KNDC1: variants seen among roughly 807,000 people sequenced by gnomAD.
KNDC1 encodes kinase non-catalytic C-lobe domain containing 1.
Under a neutral mutation model 172.8 loss-of-function variants are expected in KNDC1, and 106 were observed. The ratio of observed to expected loss-of-function variants is 0.61; its 90% CI spans 0.52 to 0.72. KNDC1 has a LOEUF of 0.72. Among genes scored for constraint, KNDC1 ranks in the 30% least tolerant of loss-of-function variants. The pLI, the probability that KNDC1 is intolerant of heterozygous loss-of-function variation, is 0.00. For synonymous variants in KNDC1, 1,083 were observed against 1,062.2 expected, an observed-to-expected ratio of 1.02 and a Z score of -0.38; for missense variants, 2,325 against 2,394.5, an observed-to-expected ratio of 0.97 and a Z score of 0.61.
intron 3 of KNDC1, among the ~76,000 whole-genome samples, chr10:133,182,818 G>A (rs1164736735): frequency 2.6e-5 from 4 of 152,346 alleles, no homozygotes; most frequent in Admixed American, 2.0e-4. Context: ...CCAACTGCGC[G>A]GGCGGCGAGG....
chr10:133,163,791 A>G lies in KNDC1; in HGVS notation c.102+3222A>G, dbSNP rs1853056205. Among the ~76,000 whole-genome samples, 2 of 152,008 alleles carry G rather than the reference A, an allele frequency of 1.3e-5. No individual in the cohort carries two copies. Among genetic ancestry groups the G allele is most frequent in the South Asian group, 4.2e-4 (2 of 4,808 alleles). ...CATGAGATAAGGGTCCTCGGTGGGA[A>G]GCGTGCCCTGCCCTCTGAGACCCAG... On this transcript the variant is annotated intron_variant, in intron 1 of 29. Coordinates refer to ENST00000304613, the MANE Select transcript of KNDC1 (RefSeq NM_152643.8). The surrounding 1 kb of genome is among the most constrained non-coding windows in gnomAD (Gnocchi z 4.4).
chr10:133,189,457 G>A (rs1382291222), intron 7 of KNDC1, 141 bp from the exon 8 acceptor site: 6 of 751,994 alleles, frequency 8.0e-6, no homozygotes, highest in Admixed American at 2.2e-5. Context: ...GGCCATGTGC[G>A]TGCACTGGCA....
intron 17 of KNDC1, among the ~76,000 whole-genome samples, chr10:133,204,245 C>A (rs1854460122): frequency 6.6e-6 from 1 of 152,208 alleles, no homozygotes; most frequent in African/African-American, 2.4e-5. Context: ...CCGGTAGGTC[C>A]TTCCTTGATG....
At chr10:133,167,354 G>C (rs1853198970) in intron 1 of KNDC1, 27 bp from the exon 2 acceptor site, 1 of 1,541,870 alleles carries the variant, frequency 6.5e-7, no homozygotes, top group Admixed American at 1.9e-5. Context: ...GTCCTGCCGG[G>C]CTCACGGCCA....
At chr10:133,169,496 G>A (rs139787927) in intron 3 of KNDC1, among the ~76,000 whole-genome samples, 7 of 152,306 alleles carry the variant, frequency 4.6e-5, no homozygotes, top group African/African-American at 7.2e-5. Context: ...ATGGCTTCCC[G>A]CACCCTGCTT....
rs1015808570 is a variant in KNDC1, at chr10:133,206,753, C to T, written c.3456C>T (p.Leu1152=). 1 of 1,614,106 alleles carries T rather than the reference C, an allele frequency of 6.2e-7. No individual in the cohort carries two copies. Among genetic ancestry groups the T allele is most frequent in the Non-Finnish European group, 8.5e-7 (1 of 1,180,034 alleles). ...YRKTLKFYQK[L]LQKEKRNKGS... is the part of the protein sequence containing the mutation. ...AGACCCTGAAGTTCTACCAGAAACT[C>T]TTACAGAAGGAAAAGAGGAACAAAG... The change falls in exon 18 of 30, where the codon CTC becomes CTT. Residue 1152 remains leucine (L), a synonymous_variant. Coordinates refer to ENST00000304613, the MANE Select transcript of KNDC1 (RefSeq NM_152643.8).
At chr10:133,220,250 G>T (rs1845559226) in intron 29 of KNDC1, 138 bp downstream of exon 29, 1 of 329,418 alleles carries the variant, frequency 3.0e-6, no homozygotes, top group Non-Finnish European at 5.1e-6. Context: ...GGTGAGGAGG[G>T]GCTCAGGCGG....
Position 133,167,371 on chromosome 10 carries a change from G to A in KNDC1, c.103-10G>A, listed in dbSNP as rs1310803839. 5.1e-6 allele frequency: 8 copies of A among 1,567,442 alleles called. No homozygotes were observed. The highest frequency in any genetic ancestry group is 1.7e-4 in the Middle Eastern group (1 of 5,924). On this transcript the variant is annotated splice_polypyrimidine_tract_variant and intron_variant, in intron 1 of 29. Transcript: ENST00000304613. ...CCTGCCGGGCTCACGGCCAGGGCCGGTCTTGGCAGGAGAACGTGTCTCTGG... is the reference window on the plus strand; with the variant it reads ...CCTGCCGGGCTCACGGCCAGGGCCGATCTTGGCAGGAGAACGTGTCTCTGG...
At position 133,208,451 on chromosome 10, in the gene KNDC1, A is replaced by G. The variant is rs193297103; in HGVS notation, c.3794+1100A>G. On this transcript the variant is annotated intron_variant, in intron 20 of 29. Coordinates refer to ENST00000304613, the MANE Select transcript of KNDC1 (RefSeq NM_152643.8). ...CTCTAGAGAGGGATGTGGCCCCCCC[A>G]ACCCCGTTACCCCAAGGACCCTCTA... 2.2e-4 allele frequency among the ~76,000 whole-genome samples: 4 copies of G among 18,092 alleles called. 2 individuals are homozygous for G. Among genetic ancestry groups the G allele is most frequent in the South Asian group, 6.5e-3 (2 of 306 alleles). 11.9% of individuals were successfully genotyped at this position (18,092 alleles called of 152,430 possible). A position where few individuals can be genotyped will look rare whatever the true frequency, so the allele number is the denominator to read the frequency against.
Position 133,225,387 on chromosome 10 carries a change from G to A in KNDC1, c.*497G>A, listed in dbSNP as rs1462435352. The A allele has an allele frequency of 1.7e-5, 3 of 172,800 alleles. No homozygotes were observed. In the Admixed American group the frequency reaches 1.7e-4, roughly 10 times the overall value. The allele number at this position is 172,800 out of a possible 1,614,324, so 10.7% of individuals were successfully genotyped here. ...TCTGAGTGGCCAACTGCAGCTCCCA[G>A]GGACTCCGAGACCTCCGGTCCGAGA... On this transcript the variant is annotated 3_prime_UTR_variant, in exon 30 of 30. Transcript: ENST00000304613.
chr10:133,193,853 G>T lies in KNDC1; in HGVS notation c.1576-1810G>T, dbSNP rs538615083. On this transcript the variant is annotated intron_variant, in intron 9 of 29. Coordinates refer to ENST00000304613, the MANE Select transcript of KNDC1 (RefSeq NM_152643.8). ...GAGGGACATTCTATAACAATAAAGG[G>T]TCAGTCCGCCCAGAAGACATAGCAA... Among the ~76,000 whole-genome samples, 39 of 152,268 alleles carry T rather than the reference G, an allele frequency of 2.6e-4. No homozygotes were observed. In the South Asian group the frequency reaches 5.0e-3, roughly 19 times the overall value.
intron 12 of KNDC1, among the ~76,000 whole-genome samples, 161 bp from the exon 13 acceptor site, chr10:133,198,176 C>T (rs1383724585): frequency 6.6e-6 from 1 of 152,244 alleles, no homozygotes; most frequent in Non-Finnish European, 1.5e-5. Context: ...CACCCACCCT[C>T]CCATTCCAGG....
chr10:133,208,656 G>A (rs1283909993), intron 20 of KNDC1, among the ~76,000 whole-genome samples: 1 of 152,222 alleles, frequency 6.6e-6, no homozygotes, highest in East Asian at 1.9e-4. Context: ...AGGGGTCCAG[G>A]CTGACCCTCG....
intron 1 of KNDC1, 197 bp from the exon 2 acceptor site, chr10:133,167,184 G>A: frequency 1.6e-6 from 1 of 610,466 alleles, no homozygotes; most frequent in South Asian, 2.0e-5. Context: ...GCCACCAAAT[G>A]TTCCGTGGCT....
At chr10:133,182,302 G>A (rs751099783) in intron 3 of KNDC1, among the ~76,000 whole-genome samples, 3 of 138,164 alleles carry the variant, frequency 2.2e-5, no homozygotes, top group African/African-American at 7.0e-5. Flanking sequence ...CCCAGGACAC[G>A]GATGCGCGTC....
chr10:133,210,364 C>CAA (rs57759593), intron 20 of KNDC1, among the ~76,000 whole-genome samples: 80 of 74,444 alleles, frequency 1.1e-3, no homozygotes, highest in East Asian at 2.3e-3. Flanking sequence ...GAAACTCTGC[C>CAA]AAAAAAAAAA....
intron 16 of KNDC1, 100 bp from the exon 17 acceptor site, chr10:133,201,401 G>C: frequency 7.7e-7 from 1 of 1,304,212 alleles, no homozygotes; most frequent in Non-Finnish European, 1.1e-6. Flanking sequence ...AGAGAGAAGG[G>C]CGTCGGGTGT....
intron 9 of KNDC1, among the ~76,000 whole-genome samples, chr10:133,194,972 G>A (rs1854148707): frequency 6.6e-6 from 1 of 152,216 alleles, no homozygotes; most frequent in Admixed American, 6.5e-5. Flanking sequence ...TCCAGCATGG[G>A]TCTGTCCGGC....
In KNDC1 at chr10:133,184,428, A is replaced by G. The variant is rs1370840421; in HGVS notation, c.625+439A>G. Among the ~76,000 whole-genome samples the G allele has an allele frequency of 2.0e-5, 3 of 152,096 alleles. No homozygotes were observed. In the East Asian group the frequency reaches 5.8e-4, roughly 29 times the overall value. On this transcript the variant is annotated intron_variant, in intron 5 of 29. Transcript: ENST00000304613. The stretch of plus-strand genomic sequence containing the variant: ...CGCACACACCCACTCACACATTCAG[A>G]GATCACACAAACTCACGTATTCACA...
Sources: allele counts gnomAD v4.1 joint callset (sites outside exome capture counted in the v4.1 genomes callset), GRCh38; gene constraint gnomAD v4.1.1; non-coding constraint Gnocchi (gnomAD v3.1); transcripts MANE v1.5; gene names NCBI Gene and HGNC (gene_info 2026-07-23, HGNC 2026-07-21).